The following FBXO24 variants were observed in gnomAD, a reference collection of about 807,000 sequenced individuals.
The protein encoded by FBXO24 is F-box only protein 24.
A neutral mutation model predicts 63.5 loss-of-function variants in FBXO24; 30 were observed. That is an observed-to-expected ratio of 0.47 (90% confidence interval 0.35 to 0.64). The LOEUF is 0.64. FBXO24 is among the 30% of genes least tolerant of loss of function. The pLI is 0.00. For missense variants in FBXO24, 624 were observed against 763.4 expected (o/e 0.82, Z 2.15); for synonymous variants, 300 against 305.0 (o/e 0.98, Z 0.17).
chr7:100,595,764 C>T (rs1251920863), intron 8 of FBXO24, 58 bp downstream of exon 8: 2 of 1,512,232 alleles, frequency 1.3e-6, no homozygotes, highest in Non-Finnish European at 1.8e-6. Flanking sequence ...TCCCTAACCC[C>T]CAGATCTGTC....
chr7:100,597,214 C>T (rs1802353588), intron 8 of FBXO24, among the ~76,000 whole-genome samples: 1 of 152,084 alleles, frequency 6.6e-6, no homozygotes, highest in Non-Finnish European at 1.5e-5. Flanking sequence ...CCGTGCACCC[C>T]TCTAACACTG....
rs768402143 is a variant in FBXO24, at chr7:100,591,871, G to A, written c.527G>A (p.Arg176His). 11 of 1,614,090 alleles carry A rather than the reference G, an allele frequency of 6.8e-6. No homozygotes were observed. Among genetic ancestry groups the A allele is most frequent in the South Asian group, 1.1e-5 (1 of 91,090 alleles). The part of the protein sequence containing the change: ...LGQMQWKRAC[R>H]YVVLCRGAKD... ...CAGATGCAGTGGAAGCGGGCCTGTC[G>A]CTATGTTGTGTTGTGTCGTGGAGCC... The change falls in exon 4 of 10, where the codon CGC becomes CAC. Residue 176 changes from arginine to histidine, a missense_variant. This residue lies in a region of FBXO24 where 391 missense variants were observed against 469.1 expected (regional missense o/e 0.83). Transcript: ENST00000241071.
In FBXO24 at chr7:100,586,573, A is replaced by T; in HGVS notation, c.-53A>T. The T allele has an allele frequency of 6.2e-7, 1 of 1,600,180 alleles. No homozygotes were observed. Among genetic ancestry groups the T allele is most frequent in the Non-Finnish European group, 8.6e-7 (1 of 1,167,582 alleles). ...TCAAGAAGGCCAATTAGAGCCTCCG[A>T]AGGGAATCTGGACCTGCCTCTTCTC... On this transcript the variant is annotated 5_prime_UTR_variant, in exon 1 of 10. Coordinates refer to ENST00000241071, the MANE Select transcript of FBXO24 (RefSeq NM_033506.3).
intron 1 of FBXO24, chr7:100,589,376 T>G: frequency 8.7e-7 from 1 of 1,152,448 alleles, no homozygotes; most frequent in Middle Eastern, 3.6e-4. Flanking sequence ...AACTTCCTCC[T>G]GCTCCCTGAA....
chr7:100,597,205 C>T (rs1205109808), intron 8 of FBXO24, among the ~76,000 whole-genome samples: 3 of 152,040 alleles, frequency 2.0e-5, no homozygotes, highest in Non-Finnish European at 2.9e-5. Flanking sequence ...TAAGACAGGC[C>T]GTGCACCCCT....
At chr7:100,589,145 G>A (rs1801880897) in intron 1 of FBXO24, among the ~76,000 whole-genome samples, 1 of 152,056 alleles carries the variant, frequency 6.6e-6, no homozygotes, top group East Asian at 1.9e-4. Flanking sequence ...GTCTCCTTTT[G>A]GATGTGTTTT....
Position 100,591,920 on chromosome 7 carries a change from G to A in FBXO24, c.558+18G>A. ...CCAAGGATGTGAGTAGCAGAACCCT[G>A]GCAGCTGAGAGCCCACCTGTATTAG... On this transcript the variant is annotated intron_variant, in intron 4 of 9. Transcript: ENST00000241071. 6.2e-7 allele frequency: 1 copy of A among 1,612,688 alleles called. No individual in the cohort carries two copies. The highest frequency in any genetic ancestry group is 8.5e-7 in the Non-Finnish European group (1 of 1,178,694).
At chr7:100,595,323 G>A in intron 7 of FBXO24, 100 bp downstream of exon 7, 4 of 1,577,868 alleles carry the variant, frequency 2.5e-6, no homozygotes, top group Non-Finnish European at 3.4e-6. Flanking sequence ...CAGAGGGGCA[G>A]GGGATCCCCA....
chr7:100,593,803 A>C (rs144857812), intron 5 of FBXO24, among the ~76,000 whole-genome samples: 1,582 of 150,818 alleles, frequency 0.01, 41 homozygotes, highest in African/African-American at 0.037. Flanking sequence ...TCTCCAAAAA[A>C]AAAAAAAAAA....
chr7:100,599,488 C>T (rs1802478514), intron 8 of FBXO24, among the ~76,000 whole-genome samples: 1 of 151,160 alleles, frequency 6.6e-6, no homozygotes, highest in Non-Finnish European at 1.5e-5. Context: ...GTGGGAGAAT[C>T]ACTTGAACCC....
At chr7:100,599,456 C>T (rs1415176452) in intron 8 of FBXO24, among the ~76,000 whole-genome samples, 1 of 151,408 alleles carries the variant, frequency 6.6e-6, no homozygotes, top group Non-Finnish European at 1.5e-5. Context: ...GACCTGTAGT[C>T]CTAGCTACTT....
At position 100,594,556 on chromosome 7, in the gene FBXO24, C is replaced by A; in HGVS notation, c.952+15C>A. ...CTACGTCACAGGTATGGACCACCTC[C>A]CCCCGGCTCAAGCCCGCAGCCTTGG... On this transcript the variant is annotated intron_variant, in intron 6 of 9. Coordinates refer to ENST00000241071, the MANE Select transcript of FBXO24 (RefSeq NM_033506.3). This position sits in a 1 kb window ranked among gnomAD's most constrained non-coding sequence, Gnocchi z 4.2. The A allele has an allele frequency of 6.4e-7, 1 of 1,559,780 alleles. No homozygotes were observed. The highest frequency in any genetic ancestry group is 8.7e-7 in the Non-Finnish European group (1 of 1,149,828).
At position 100,586,689 on chromosome 7, in the gene FBXO24, G is replaced by A. The variant is rs200716181; in HGVS notation, c.39+25G>A. 9.3e-6 allele frequency: 15 copies of A among 1,613,980 alleles called. No individual in the cohort carries two copies. The African/African-American group carries it at 1.2e-4, about 13-fold the overall frequency. On this transcript the variant is annotated intron_variant, in intron 1 of 9. Coordinates refer to ENST00000241071, the MANE Select transcript of FBXO24 (RefSeq NM_033506.3). ...GGTGAGCTAGAACTTTAAGACTGAG[G>A]TTAAGAATGAACGCGGAGCCCCTGG...
Position 100,600,415 on chromosome 7 carries a change from A to C in FBXO24, c.1378-119A>C. On this transcript the variant is annotated intron_variant, in intron 9 of 9. Coordinates refer to ENST00000241071, the MANE Select transcript of FBXO24 (RefSeq NM_033506.3). This position sits in a 1 kb window ranked among gnomAD's most constrained non-coding sequence, Gnocchi z 6.3. ...CCAACCTCACACACCCCTGGGACTT[A>C]GCCGGCTCAGGGCTGGTGTGAGAGG... is the stretch of plus-strand genomic sequence containing the variant. 3.3e-6 allele frequency: 5 copies of C among 1,497,348 alleles called. No homozygotes were observed. The highest frequency in any genetic ancestry group is 3.6e-6 in the Non-Finnish European group (4 of 1,117,652). 92.8% of individuals were successfully genotyped at this position (1,497,348 alleles called of 1,614,324 possible).
At chr7:100,592,518 C>T (rs1802081259) in intron 4 of FBXO24, among the ~76,000 whole-genome samples, 1 of 152,174 alleles carries the variant, frequency 6.6e-6, no homozygotes, top group Non-Finnish European at 1.5e-5. Flanking sequence ...AATCACCTCC[C>T]ACTGGGTATT....
rs562366944 is a variant in FBXO24 at position 100,591,455 on chromosome 7, T to C, written c.323-212T>C. ...TCACTAAGAAGCAAATGTTTGACCC[T>C]GGGCTGAGGTGGGGTGGAGACTAAA... On this transcript the variant is annotated intron_variant, in intron 3 of 9. Transcript: ENST00000241071. Among the ~76,000 whole-genome samples, 160 of 152,314 alleles carry C rather than the reference T, an allele frequency of 1.1e-3. 1 individual carries two copies. Among genetic ancestry groups the C allele is most frequent in the Non-Finnish European group, 3.7e-4 (25 of 68,026 alleles).
rs374332061 is a variant in FBXO24, at chr7:100,589,743, C to A, written c.40-234C>A. 1.9e-6 allele frequency: 3 copies of A among 1,546,674 alleles called. No individual in the cohort carries two copies. In the Admixed American group the frequency reaches 5.9e-5, roughly 31 times the overall value. ...CAGGATGGTCAGGGGAAGCCAGAGACGGAAGCTGCAAAAATTCACCAGGCT... is the reference window on the plus strand; with the variant it reads ...CAGGATGGTCAGGGGAAGCCAGAGAAGGAAGCTGCAAAAATTCACCAGGCT... On this transcript the variant is annotated intron_variant, in intron 1 of 9. Coordinates refer to ENST00000241071, the MANE Select transcript of FBXO24 (RefSeq NM_033506.3).
At chr7:100,598,164 T>C (rs1334634730) in intron 8 of FBXO24, among the ~76,000 whole-genome samples, 1 of 152,110 alleles carries the variant, frequency 6.6e-6, no homozygotes, top group African/African-American at 2.4e-5. Flanking sequence ...TGATCACCAC[T>C]GCACTCCAGC....
At chr7:100,599,261 A>AT (rs1444524029) in intron 8 of FBXO24, among the ~76,000 whole-genome samples, 2 of 152,134 alleles carry the variant, frequency 1.3e-5, no homozygotes, top group Non-Finnish European at 2.9e-5. Context: ...CTCTAAAAAA[A>AT]GAAAAGAGAA....
Sources: allele counts gnomAD v4.1 joint callset (sites outside exome capture counted in the v4.1 genomes callset), GRCh38; gene constraint gnomAD v4.1.1; regional missense constraint gnomAD v4.1.1; non-coding constraint Gnocchi (gnomAD v3.1); transcripts MANE v1.5; gene names NCBI Gene and HGNC (gene_info 2026-07-23, HGNC 2026-07-21).